SNRPD1: variants seen among roughly 807,000 people sequenced by gnomAD.
SNRPD1 encodes the protein small nuclear ribonucleoprotein D1 polypeptide.
A neutral mutation model predicts 14.4 loss-of-function variants in SNRPD1; 1 was observed. That is an observed-to-expected ratio of 0.07 (90% CI 0.02 to 0.33). The LOEUF (loss-of-function observed/expected upper bound fraction) is 0.33. Among genes scored for constraint, SNRPD1 ranks in the 10% least tolerant of loss-of-function variants. The pLI is 1.00. For missense variants in SNRPD1, 52 were observed against 146.4 expected, an observed-to-expected ratio of 0.36 and a Z score of 3.33; for synonymous variants, 42 against 50.3, an observed-to-expected ratio of 0.83 and a Z score of 0.70.
intron 1 of SNRPD1, among the ~76,000 whole-genome samples, chr18:21,617,823 A>G (rs1005402382): frequency 1.3e-5 from 2 of 152,062 alleles, no homozygotes; most frequent in Non-Finnish European, 1.5e-5. Flanking sequence ...TACTAAAAAT[A>G]CAAAAATTAG....
chr18:21,623,844 A>G lies in SNRPD1; in HGVS notation c.188A>G (p.Asn63Ser). ...VQLETLSIRG[N>S]NIRYFILPDS... ...CTGGAAACGCTGAGTATTCGAGGAAATAACATTCGGTATTTTATTCTACCA... is the reference window on the plus strand; with the variant it reads ...CTGGAAACGCTGAGTATTCGAGGAAGTAACATTCGGTATTTTATTCTACCA... Residue 63 changes from asparagine (N) to serine (S), a missense_variant, in exon 3 of 4, where the codon AAT (asparagine) becomes AGT (serine). Physicochemically the swap from Asn to Ser is conservative, Grantham distance 46. Transcript: ENST00000300413. 6.2e-7 allele frequency: 1 copy of G among 1,613,134 alleles called. No individual in the cohort carries two copies. Among genetic ancestry groups the G allele is most frequent in the Non-Finnish European group, 8.5e-7 (1 of 1,179,118 alleles).
At position 21,633,424 on chromosome 18, in the gene SNRPD1, C is replaced by T. The variant is rs1339489107; in HGVS notation, c.*4286C>T. 1 of 152,166 alleles carries T rather than the reference C, an allele frequency of 6.6e-6. No individual in the cohort carries two copies. Among genetic ancestry groups the T allele is most frequent in the East Asian group, 1.9e-4 (1 of 5,196 alleles). The allele number at this position is 152,166 out of a possible 1,614,324, so 9.4% of individuals were successfully genotyped here. ...AAGAATCTCTGTCATAATAAACCAA[C>T]AGCAGACATTTTCTAAAGGCATTAA... On this transcript the variant is annotated 3_prime_UTR_variant, in exon 4 of 4. Transcript: ENST00000300413.
At chr18:21,624,303 C>T (rs1161360193) in intron 3 of SNRPD1, among the ~76,000 whole-genome samples, 2 of 149,880 alleles carry the variant, frequency 1.3e-5, no homozygotes, top group African/African-American at 4.9e-5. Flanking sequence ...CGCTTGAACC[C>T]AGTAGGCGGA....
At position 21,632,117 on chromosome 18, in the gene SNRPD1, T is replaced by C. The variant is rs907260989; in HGVS notation, c.*2979T>C. 2.0e-5 allele frequency: 3 copies of C among 152,050 alleles called. No homozygotes were observed. The highest frequency in any genetic ancestry group is 2.0e-4 in the Admixed American group (3 of 15,232). 9.4% of individuals were successfully genotyped at this position (152,050 alleles called of 1,614,324 possible). A position where few individuals can be genotyped will look rare whatever the true frequency, so the allele number is the denominator to read the frequency against. ...CCTGGGTAACCTAGTGAGACCTGGC[T>C]CTTAAATTTAAAATTTAAATGAAAA... On this transcript the variant is annotated 3_prime_UTR_variant, in exon 4 of 4. Transcript: ENST00000300413.
At chr18:21,621,395 T>C (rs939173773) in intron 1 of SNRPD1, among the ~76,000 whole-genome samples, 1 of 152,008 alleles carries the variant, frequency 6.6e-6, no homozygotes, top group Non-Finnish European at 1.5e-5. Context: ...CTTAGAATGT[T>C]ATTTTGTTAT....
In SNRPD1 at chr18:21,630,311, GTC is replaced by G. The variant is rs1400299831; in HGVS notation, c.*1178_*1179del. The stretch of plus-strand genomic sequence containing the variant: ...TTGATTTGCTAAGCTCAGAAAAAAT[GTC>G]TCTCAGTGCATCAGTTCTTTGTAAA... On this transcript the variant is annotated 3_prime_UTR_variant, in exon 4 of 4. Coordinates refer to ENST00000300413, the MANE Select transcript of SNRPD1 (RefSeq NM_006938.4). 1 of 152,088 alleles carries G rather than the reference GTC, an allele frequency of 6.6e-6. No homozygotes were observed. The highest frequency in any genetic ancestry group is 1.5e-5 in the Non-Finnish European group (1 of 68,020). 9.4% of individuals were successfully genotyped at this position (152,088 alleles called of 1,614,324 possible). A position where few individuals can be genotyped will look rare whatever the true frequency, so the allele number is the denominator to read the frequency against.
At chr18:21,628,640 A>G (rs2039057907) in intron 3 of SNRPD1, among the ~76,000 whole-genome samples, 1 of 152,194 alleles carries the variant, frequency 6.6e-6, no homozygotes, top group Non-Finnish European at 1.5e-5. Flanking sequence ...CCTGGTTTTG[A>G]ATTAACTTGC....
In SNRPD1 at chr18:21,630,490, G is replaced by C. The variant is rs1404772271; in HGVS notation, c.*1352G>C. 1 of 151,926 alleles carries C rather than the reference G, an allele frequency of 6.6e-6. No individual in the cohort carries two copies. The highest frequency in any genetic ancestry group is 1.5e-5 in the Non-Finnish European group (1 of 67,982). 9.4% of individuals were successfully genotyped at this position (151,926 alleles called of 1,614,324 possible). A position where few individuals can be genotyped will look rare whatever the true frequency, so the allele number is the denominator to read the frequency against. On this transcript the variant is annotated 3_prime_UTR_variant, in exon 4 of 4. Coordinates refer to ENST00000300413, the MANE Select transcript of SNRPD1 (RefSeq NM_006938.4). ...CCTTAAAAAAGTTTAGCCTGGGTGT[G>C]GTGGCTCACGCCTGTAATCCCAGCA...
At chr18:21,627,348 C>G (rs904681101) in intron 3 of SNRPD1, among the ~76,000 whole-genome samples, 3 of 151,050 alleles carry the variant, frequency 2.0e-5, no homozygotes, top group South Asian at 2.1e-4. Flanking sequence ...CTCTTGGTCT[C>G]AAACAATCCT....
chr18:21,613,339 T>A (rs1474061081), intron 1 of SNRPD1, among the ~76,000 whole-genome samples: 2 of 152,228 alleles, frequency 1.3e-5, no homozygotes, highest in Non-Finnish European at 2.9e-5. Context: ...CCAGCAATTA[T>A]AAATATTTAG....
intron 1 of SNRPD1, among the ~76,000 whole-genome samples, chr18:21,619,105 T>G (rs199619689): frequency 6.6e-6 from 1 of 152,210 alleles, no homozygotes; most frequent in Non-Finnish European, 1.5e-5. Flanking sequence ...TATGGTTATA[T>G]AGGAGAATGT....
At chr18:21,613,966 C>T (rs1011860194) in intron 1 of SNRPD1, among the ~76,000 whole-genome samples, 2 of 150,736 alleles carry the variant, frequency 1.3e-5, no homozygotes, top group African/African-American at 4.9e-5. Context: ...GATAGGAAGT[C>T]ATAGAATTTA....
intron 3 of SNRPD1, among the ~76,000 whole-genome samples, chr18:21,626,394 CAAAAAAA>C (rs774960503): frequency 2.0e-5 from 1 of 51,086 alleles, no homozygotes; most frequent in Non-Finnish European, 3.7e-5. Flanking sequence ...ACCCTGTCGC[CAAAAAAA>C]AAAAAAAAAA....
chr18:21,615,254 C>A (rs1388693761), intron 1 of SNRPD1, among the ~76,000 whole-genome samples: 1 of 152,194 alleles, frequency 6.6e-6, no homozygotes, highest in Non-Finnish European at 1.5e-5. Flanking sequence ...GATTCATCCA[C>A]ATTGTGAAGT....
chr18:21,617,833 G>C (rs1261388781), intron 1 of SNRPD1, among the ~76,000 whole-genome samples: 2 of 152,050 alleles, frequency 1.3e-5, no homozygotes, highest in African/African-American at 4.8e-5. Context: ...ACAAAAATTA[G>C]CTGGGTGTGG....
Position 21,623,652 on chromosome 18 carries a change from A to T in SNRPD1, c.92-96A>T, listed in dbSNP as rs1220940175. ...ACTTGCACTTTGTAGAAGAACAGTAATCTTTTGTAGTCCAGTATTTACTGT... is the reference window on the plus strand; with the variant it reads ...ACTTGCACTTTGTAGAAGAACAGTATTCTTTTGTAGTCCAGTATTTACTGT... On this transcript the variant is annotated intron_variant, in intron 2 of 3. Transcript: ENST00000300413. The T allele has an allele frequency of 6.9e-6, 6 of 870,452 alleles. No homozygotes were observed. The East Asian group carries it at 7.6e-5, about 11-fold the overall frequency. 53.9% of individuals were successfully genotyped at this position (870,452 alleles called of 1,614,324 possible). A position where few individuals can be genotyped will look rare whatever the true frequency, so the allele number is the denominator to read the frequency against.
intron 1 of SNRPD1, 92 bp downstream of exon 1, chr18:21,612,535 G>T: frequency 9.8e-7 from 1 of 1,018,860 alleles, no homozygotes; most frequent in South Asian, 2.2e-5. Flanking sequence ...CAGGAGGCGG[G>T]AAAGCCGCGT....
intron 1 of SNRPD1, among the ~76,000 whole-genome samples, chr18:21,622,265 G>T (rs1026232217): frequency 2.6e-5 from 4 of 151,638 alleles, no homozygotes; most frequent in Non-Finnish European, 5.9e-5. Flanking sequence ...TCAGCCTCCC[G>T]AGTAGCTGGG....
chr18:21,626,885 A>G (rs2039043470), intron 3 of SNRPD1, among the ~76,000 whole-genome samples: 1 of 150,470 alleles, frequency 6.6e-6, no homozygotes, highest in South Asian at 2.1e-4. Flanking sequence ...ATCATAGCTC[A>G]CTGCAGCCTC....
Sources: allele counts gnomAD v4.1 joint callset (sites outside exome capture counted in the v4.1 genomes callset), GRCh38; gene constraint gnomAD v4.1.1; transcripts MANE v1.5; gene names NCBI Gene and HGNC (gene_info 2026-07-23, HGNC 2026-07-21).